Variants in KISS1 observed in about 807,000 individuals in gnomAD.
The protein encoded by KISS1 is metastasis-suppressor KiSS-1.
For synonymous variants in KISS1, 97 were observed against 88.7 expected (o/e 1.09, Z -0.52); for missense variants, 182 against 182.7 (o/e 1.00, Z 0.02).
chr1:204,192,976 G>T lies in KISS1; in HGVS notation c.-38-62C>A. The T allele has an allele frequency of 1.2e-6, 1 of 827,326 alleles. No individual in the cohort carries two copies. Among genetic ancestry groups the T allele is most frequent in the Non-Finnish European group, 2.0e-6 (1 of 494,868 alleles). 51.2% of individuals were successfully genotyped at this position (827,326 alleles called of 1,614,324 possible). ...ACAGGATCTGGGCTGGGTGCTGAGG[G>T]CAGAGCCCAGTGCAAAAGGGACAGT... On this transcript the variant is annotated intron_variant, in intron 1 of 2. Transcript: ENST00000367194. This position sits in a 1 kb window ranked among gnomAD's most constrained non-coding sequence, Gnocchi z 4.2.
chr1:204,195,245 C>A (rs1361853761), intron 1 of KISS1, among the ~76,000 whole-genome samples: 8 of 54,036 alleles, frequency 1.5e-4, no homozygotes, highest in South Asian at 5.9e-4. Context: ...ACGCATACAC[C>A]CATACACACA....
intron 1 of KISS1, among the ~76,000 whole-genome samples, chr1:204,195,285 A>ATAT (rs1658828370): frequency 9.4e-6 from 1 of 106,876 alleles, no homozygotes; most frequent in Non-Finnish European, 2.0e-5. Context: ...CACCACACAC[A>ATAT]CCACACACAT....
intron 1 of KISS1, among the ~76,000 whole-genome samples, chr1:204,194,155 G>T (rs1385454742): frequency 6.6e-6 from 1 of 152,072 alleles, no homozygotes; most frequent in Non-Finnish European, 1.5e-5. Flanking sequence ...ACCCTGAAAT[G>T]GAATGAGGAG....
chr1:204,195,316 ACATATGC>A (rs1658831248), intron 1 of KISS1, among the ~76,000 whole-genome samples: 5 of 23,016 alleles, frequency 2.2e-4, no homozygotes, highest in South Asian at 1.6e-3. Flanking sequence ...ACACACATAC[ACATATGC>A]CACACACACC....
chr1:204,191,294 T>C (rs905796145), intron 2 of KISS1, among the ~76,000 whole-genome samples: 8 of 152,118 alleles, frequency 5.3e-5, no homozygotes, highest in Admixed American at 3.9e-4. Context: ...AGCTAAGACA[T>C]TGTGGCCCCA....
Position 204,190,409 on chromosome 1 carries a change from T to TTTCCCCCCCCCCCC in KISS1, c.*74_*75insGGGGGGGGGGGGAA. ...CAGCGCCCCCTCCCTTAGCCCTACG[T>TTTCCCCCCCCCCCC]CCCCGCCCCCCGCCCCCGCCCCGCA... On this transcript the variant is annotated 3_prime_UTR_variant, in exon 3 of 3. Coordinates refer to ENST00000367194, the MANE Select transcript of KISS1 (RefSeq NM_002256.4). The TTTCCCCCCCCCCCC allele has an allele frequency of 3.5e-6, 2 of 570,138 alleles. No individual in the cohort carries two copies. The highest frequency in any genetic ancestry group is 3.1e-6 in the Non-Finnish European group (1 of 320,588). 35.3% of individuals were successfully genotyped at this position (570,138 alleles called of 1,614,324 possible).
Position 204,192,259 on chromosome 1 carries a change from T to A in KISS1, c.103+515A>T, listed in dbSNP as rs1327485479. ...ACACCTGCTGGGTTTCCACAGTGTTTGAGCGACTCTGGGGAAATCTCTTTA... is the reference window on the plus strand; with the variant it reads ...ACACCTGCTGGGTTTCCACAGTGTTAGAGCGACTCTGGGGAAATCTCTTTA... On this transcript the variant is annotated intron_variant, in intron 2 of 2. Coordinates refer to ENST00000367194, the MANE Select transcript of KISS1 (RefSeq NM_002256.4). The surrounding 1 kb of genome is among the most constrained non-coding windows in gnomAD (Gnocchi z 4.2). 2.0e-5 allele frequency among the ~76,000 whole-genome samples: 3 copies of A among 152,152 alleles called. No individual in the cohort carries two copies. The highest frequency in any genetic ancestry group is 7.2e-5 in the African/African-American group (3 of 41,438).
At chr1:204,191,685 T>C (rs1658746067) in intron 2 of KISS1, among the ~76,000 whole-genome samples, 1 of 152,238 alleles carries the variant, frequency 6.6e-6, no homozygotes, top group South Asian at 2.1e-4. Context: ...CTCCGTGCCC[T>C]GGCACAGTCT....
Position 204,190,430 on chromosome 1 carries a change from C to CCCCCCCA in KISS1, c.*53_*54insTGGGGGG. 2 of 1,079,960 alleles carry CCCCCCCA rather than the reference C, an allele frequency of 1.9e-6. No individual in the cohort carries two copies. Among genetic ancestry groups the CCCCCCCA allele is most frequent in the Non-Finnish European group, 2.7e-6 (2 of 735,304 alleles). The allele number at this position is 1,079,960 out of a possible 1,614,324, so 66.9% of individuals were successfully genotyped here. On this transcript the variant is annotated 3_prime_UTR_variant, in exon 3 of 3. Transcript: ENST00000367194. ...TACGTCCCCGCCCCCCGCCCCCGCC[C>CCCCCCCA]CGCATGCTCTGACTCCTTTGGGGTC...
In KISS1 at chr1:204,190,425, C is replaced by A. The variant is rs1203836318; in HGVS notation, c.*59G>T. 5.6e-6 allele frequency: 5 copies of A among 898,786 alleles called. No individual in the cohort carries two copies. The highest frequency in any genetic ancestry group is 2.8e-5 in the East Asian group (1 of 36,348). 55.7% of individuals were successfully genotyped at this position (898,786 alleles called of 1,614,324 possible). On this transcript the variant is annotated 3_prime_UTR_variant, in exon 3 of 3. Coordinates refer to ENST00000367194, the MANE Select transcript of KISS1 (RefSeq NM_002256.4). ...AGCCCTACGTCCCCGCCCCCCGCCC[C>A]CGCCCCGCATGCTCTGACTCCTTTG...
chr1:204,190,491 C>A lies in KISS1; in HGVS notation c.410G>T (p.Arg137Leu). The A allele has an allele frequency of 6.2e-7, 1 of 1,605,212 alleles. No individual in the cohort carries two copies. The highest frequency in any genetic ancestry group is 1.1e-5 in the South Asian group (1 of 89,600). Residue 137 changes from arginine (R) to leucine (L), a missense_variant, in exon 3 of 3, where the codon CGG becomes CTG. Coordinates refer to ENST00000367194, the MANE Select transcript of KISS1 (RefSeq NM_002256.4). ...APGNHGRSAG[R>L]G is the part of the protein sequence containing the mutation. ...TGCCCCGCACCTGCGCCCTCAGCCC[C>A]GCCCAGCGCTTCTGCCGTGGTTCCC... is the stretch of plus-strand genomic sequence containing the variant.
At chr1:204,195,549 C>G (rs905859092) in intron 1 of KISS1, among the ~76,000 whole-genome samples, 2 of 147,436 alleles carry the variant, frequency 1.4e-5, no homozygotes, top group South Asian at 4.5e-4. Flanking sequence ...AGATATATAC[C>G]CATACACCCG....
intron 1 of KISS1, among the ~76,000 whole-genome samples, chr1:204,193,705 A>G (rs1375674648): frequency 6.6e-6 from 1 of 152,112 alleles, no homozygotes; most frequent in African/African-American, 2.4e-5. Flanking sequence ...CTAAGAGGCT[A>G]TGAATTGAAT....
chr1:204,192,395 T>G lies in KISS1; in HGVS notation c.103+379A>C, dbSNP rs575041076. ...AAATATCTGCCCTTTGGTTTAGGTT[T>G]TTTTTTTTTTCCAAATTCTCCACAA... On this transcript the variant is annotated intron_variant, in intron 2 of 2. Coordinates refer to ENST00000367194, the MANE Select transcript of KISS1 (RefSeq NM_002256.4). This position sits in a 1 kb window ranked among gnomAD's most constrained non-coding sequence, Gnocchi z 4.2. Among the ~76,000 whole-genome samples, 9 of 151,794 alleles carry G rather than the reference T, an allele frequency of 5.9e-5. No individual in the cohort carries two copies. Among genetic ancestry groups the G allele is most frequent in the South Asian group, 4.2e-4 (2 of 4,792 alleles).
intron 1 of KISS1, among the ~76,000 whole-genome samples, chr1:204,194,853 T>C (rs949374207): frequency 6.6e-6 from 1 of 151,978 alleles, no homozygotes; most frequent in Non-Finnish European, 1.5e-5. Flanking sequence ...GACAAGAGGA[T>C]GGAGCTTTGC....
At chr1:204,195,320 ATGC>A (rs1658831631) in intron 1 of KISS1, among the ~76,000 whole-genome samples, 18 of 14,292 alleles carry the variant, frequency 1.3e-3, no homozygotes, top group African/African-American at 2.8e-3. Context: ...ACATACACAT[ATGC>A]CACACACACC....
At chr1:204,194,755 G>C (rs73071922) in intron 1 of KISS1, among the ~76,000 whole-genome samples, 2,821 of 152,206 alleles carry the variant, frequency 0.019, 78 homozygotes, top group African/African-American at 0.065. Context: ...TCGCTGAAAG[G>C]TTTACAGAAA....
intron 1 of KISS1, among the ~76,000 whole-genome samples, chr1:204,195,547 A>G (rs1658841741): frequency 6.7e-6 from 1 of 150,240 alleles, no homozygotes. Context: ...ACAGATATAT[A>G]CCCATACACC....
At chr1:204,194,978 G>A (rs925036276) in intron 1 of KISS1, among the ~76,000 whole-genome samples, 4 of 152,050 alleles carry the variant, frequency 2.6e-5, no homozygotes, top group East Asian at 1.9e-4. Context: ...TTCTCTGTGC[G>A]GAAGCAGGGT....
Sources: gnomAD v4.1 joint callset for allele counts (sites outside exome capture counted in the v4.1 genomes callset) on GRCh38, gnomAD v4.1.1 for gene constraint, Gnocchi (gnomAD v3.1) non-coding constraint, MANE v1.5 for transcripts, NCBI Gene and HGNC (gene_info 2026-07-23, HGNC 2026-07-21) for gene names.